The following NRXN3 variants were observed in gnomAD, a reference collection of about 807,000 sequenced individuals.
NRXN3 encodes neurexin 3.
In NRXN3, 32 loss-of-function variants were observed where a neutral mutation model predicts 137.6. The ratio of observed to expected loss-of-function variants is 0.23; its 90% CI spans 0.18 to 0.31. NRXN3 has a LOEUF of 0.31. Among genes scored for constraint, NRXN3 ranks in the 10% least tolerant of loss-of-function variants. NRXN3 has a pLI of 1.00. For synonymous variants in NRXN3, 798 were observed against 784.5 expected (o/e 1.02, Z -0.29); for missense variants, 1,574 against 2,062.5 (o/e 0.76, Z 4.59).
intron 10 of NRXN3, among the ~76,000 whole-genome samples, chr14:78,817,553 C>T (rs1330649313): frequency 6.6e-6 from 1 of 152,136 alleles, no homozygotes. Context: ...GCTCTTGATT[C>T]TGGTGGCTGA....
chr14:79,704,221 A>C (rs1469817315), intron 19 of NRXN3, among the ~76,000 whole-genome samples: 3 of 152,158 alleles, frequency 2.0e-5, no homozygotes, highest in Non-Finnish European at 4.4e-5. Context: ...GCAATATCAC[A>C]TGGTTCTACG....
chr14:78,639,795 G>T (rs564947697), intron 4 of NRXN3, among the ~76,000 whole-genome samples: 29 of 152,204 alleles, frequency 1.9e-4, no homozygotes, highest in Non-Finnish European at 3.2e-4. Context: ...ATGGCACTCC[G>T]TAGTACCTTG....
chr14:78,842,659 C>A (rs1275084646), intron 10 of NRXN3, among the ~76,000 whole-genome samples: 1 of 152,052 alleles, frequency 6.6e-6, no homozygotes, highest in Non-Finnish European at 1.5e-5. Context: ...TCCTAATAAG[C>A]CTGGGAGCAC....
At chr14:79,456,569 A>C (rs968880907) in intron 15 of NRXN3, among the ~76,000 whole-genome samples, 5 of 152,138 alleles carry the variant, frequency 3.3e-5, no homozygotes, top group African/African-American at 1.2e-4. Flanking sequence ...TCTACTAAAA[A>C]TACAAAAATT....
At chr14:78,442,437 A>G (rs961651042) in intron 4 of NRXN3, among the ~76,000 whole-genome samples, 1 of 152,236 alleles carries the variant, frequency 6.6e-6, no homozygotes, top group Non-Finnish European at 1.5e-5. Flanking sequence ...ATTATCCCCA[A>G]GAGCCTTCAG....
chr14:79,505,416 CAAAA>C (rs1331339697), intron 16 of NRXN3, among the ~76,000 whole-genome samples: 25 of 152,180 alleles, frequency 1.6e-4, no homozygotes, highest in African/African-American at 6.0e-4. Context: ...TTCCTGGTAT[CAAAA>C]TCCAATTGTT....
intron 10 of NRXN3, among the ~76,000 whole-genome samples, chr14:78,857,029 G>T (rs1596546781): frequency 6.6e-6 from 1 of 152,140 alleles, no homozygotes; most frequent in Non-Finnish European, 1.5e-5. Flanking sequence ...CACCACACCT[G>T]GCCTGTGCTG....
chr14:79,321,824 A>C (rs2090078909), intron 15 of NRXN3, among the ~76,000 whole-genome samples: 1 of 148,976 alleles, frequency 6.7e-6, no homozygotes, highest in Non-Finnish European at 1.5e-5. Flanking sequence ...CTACATATTA[A>C]TAAATGATCA....
At chr14:78,271,920 GCCCTAGAACGAAGGAAAC>G (rs987618940) in intron 2 of NRXN3, among the ~76,000 whole-genome samples, 29 of 152,316 alleles carry the variant, frequency 1.9e-4, no homozygotes, top group Non-Finnish European at 3.4e-4. Flanking sequence ...GCCAGAAAGA[GCCCTAGAACGAAGGAAAC>G]AACCTCCTCA....
intron 19 of NRXN3, among the ~76,000 whole-genome samples, chr14:79,802,745 A>C (rs1279034433): frequency 6.6e-6 from 1 of 152,212 alleles, no homozygotes; most frequent in African/African-American, 2.4e-5. Context: ...CCCTCTCAGC[A>C]GGAAACACCA....
chr14:79,839,987 G>A (rs955693185), intron 20 of NRXN3, among the ~76,000 whole-genome samples: 9 of 148,280 alleles, frequency 6.1e-5, no homozygotes, highest in Non-Finnish European at 1.2e-4. Flanking sequence ...ATGTATGTAT[G>A]TATGTATTTA....
At chr14:79,458,954 T>C (rs892710822) in intron 15 of NRXN3, among the ~76,000 whole-genome samples, 2 of 152,138 alleles carry the variant, frequency 1.3e-5, no homozygotes, top group African/African-American at 4.8e-5. Context: ...TGTGAAAGGA[T>C]TGGGTTTTCA....
chr14:79,801,168 T>A lies in NRXN3; in HGVS notation c.4015-3944T>A, dbSNP rs919521261. ...ACCTCTAAGTGGTAACGATGAGGTC[T>A]GAAAGACACAAAGGAAGGAACTGAA... is the stretch of plus-strand genomic sequence containing the variant. On this transcript the variant is annotated intron_variant, in intron 19 of 20. Coordinates refer to ENST00000335750, the MANE Select transcript of NRXN3 (RefSeq NM_001330195.2). 2.0e-5 allele frequency among the ~76,000 whole-genome samples: 3 copies of A among 152,192 alleles called. No individual in the cohort carries two copies. In the East Asian group the frequency reaches 5.8e-4, roughly 29 times the overall value.
intron 15 of NRXN3, among the ~76,000 whole-genome samples, chr14:79,432,499 A>G (rs2095778275): frequency 6.6e-6 from 1 of 152,128 alleles, no homozygotes; most frequent in Non-Finnish European, 1.5e-5. Context: ...TATTATTTTT[A>G]ATAAAAAGAT....
chr14:78,529,878 T>A (rs572306670), intron 4 of NRXN3, among the ~76,000 whole-genome samples: 46 of 152,348 alleles, frequency 3.0e-4, no homozygotes, highest in African/African-American at 9.4e-4. Flanking sequence ...ACATGTAGAA[T>A]GTGTGAGAGA....
At chr14:79,009,529 A>G (rs887103562) in intron 15 of NRXN3, among the ~76,000 whole-genome samples, 2 of 152,078 alleles carry the variant, frequency 1.3e-5, no homozygotes, top group African/African-American at 2.4e-5. Context: ...CCTCAAGTCT[A>G]TAGGGAGGTG....
In NRXN3 at chr14:79,739,648, C is replaced by CAAAAAA. The variant is rs72347811; in HGVS notation, c.4014+41735_4014+41740dup. 7.4e-3 allele frequency among the ~76,000 whole-genome samples: 235 copies of CAAAAAA among 31,794 alleles called. 23 individuals carry two copies. The highest frequency in any genetic ancestry group is 0.11 in the Middle Eastern group (2 of 18). The allele number at this position is 31,794 out of a possible 152,430, so 20.9% of individuals were successfully genotyped here. A position where few individuals can be genotyped will look rare whatever the true frequency, so the allele number is the denominator to read the frequency against. ...TGGGTGACAGAACGAGACTCTGCCT[C>CAAAAAA]AAAAAAAAAAAAAAAAAAAAAAAAA... On this transcript the variant is annotated intron_variant, in intron 19 of 20. Coordinates refer to ENST00000335750, the MANE Select transcript of NRXN3 (RefSeq NM_001330195.2).
In NRXN3 at chr14:79,644,248, T is replaced by A. The variant is rs779240615; in HGVS notation, c.3445-19530T>A. The stretch of plus-strand genomic sequence containing the variant: ...ATTTCTTTCATAAATATTACATATG[T>A]ACTATTTTTTATCTCTATAAGTATT... On this transcript the variant is annotated intron_variant, in intron 16 of 20. Transcript: ENST00000335750. Among the ~76,000 whole-genome samples the A allele has an allele frequency of 5.9e-5, 8 of 136,084 alleles. 2 individuals are homozygous for A. The highest frequency in any genetic ancestry group is 1.2e-4 in the Non-Finnish European group (7 of 58,552). 89.3% of individuals were successfully genotyped at this position (136,084 alleles called of 152,430 possible).
At chr14:79,301,441 A>G (rs1281509101) in intron 15 of NRXN3, among the ~76,000 whole-genome samples, 1 of 151,998 alleles carries the variant, frequency 6.6e-6, no homozygotes, top group Non-Finnish European at 1.5e-5. Context: ...CATAAAACTA[A>G]TAGGTGCCAC....
Sources: gnomAD v4.1 joint callset for allele counts (sites outside exome capture counted in the v4.1 genomes callset) on GRCh38, gnomAD v4.1.1 for gene constraint, MANE v1.5 for transcripts, NCBI Gene and HGNC (gene_info 2026-07-23, HGNC 2026-07-21) for gene names.